The following FHIT variants were observed in gnomAD, a reference collection of about 807,000 sequenced individuals.
FHIT encodes the protein fragile histidine triad diadenosine triphosphatase.
Under a neutral mutation model 17.9 loss-of-function variants are expected in FHIT, and 19 were observed. The observed-to-expected ratio is 1.06, with a 90% CI of 0.74 to 1.56. The LOEUF is 1.56. FHIT is among the 40% of genes most tolerant of loss of function. The pLI is 0.00. For synonymous variants in FHIT, 81 were observed against 69.7 expected (o/e 1.16, Z -0.81); for missense variants, 248 against 189.2 (o/e 1.31, Z -1.82).
At chr3:60,873,247 C>T (rs1412825866) in intron 3 of FHIT, among the ~76,000 whole-genome samples, 2 of 152,134 alleles carry the variant, frequency 1.3e-5, no homozygotes, top group Non-Finnish European at 2.9e-5. Context: ...CAACTTTTCC[C>T]TCCAGATGAT....
In FHIT at chr3:59,749,332, A is replaced by G; in HGVS notation, c.*253T>C. 4.3e-6 allele frequency: 1 copy of G among 231,602 alleles called. No individual in the cohort carries two copies. Among genetic ancestry groups the G allele is most frequent in the East Asian group, 6.1e-5 (1 of 16,428 alleles). 14.3% of individuals were successfully genotyped at this position (231,602 alleles called of 1,614,324 possible). A position where few individuals can be genotyped will look rare whatever the true frequency, so the allele number is the denominator to read the frequency against. Reference sequence around the variant, plus strand: ...GGGTTGCAGCAGAGAAGGAAGTTTAATCATAAGGCTGCCGAATAAGGAGAC... The same window carrying G: ...GGGTTGCAGCAGAGAAGGAAGTTTAGTCATAAGGCTGCCGAATAAGGAGAC... On this transcript the variant is annotated 3_prime_UTR_variant, in exon 10 of 10. Transcript: ENST00000492590.
In FHIT at chr3:61,173,076, GA is replaced by G. The variant is rs533274797; in HGVS notation, c.-164+27540del. On this transcript the variant is annotated intron_variant, in intron 2 of 9. Transcript: ENST00000492590. ...TTGCCATGTCTTCCCAGGGATGTCA[GA>G]AGCTGCTAAATTTATTTTAAATACC... is the stretch of plus-strand genomic sequence containing the variant. Among the ~76,000 whole-genome samples, 368 of 152,244 alleles carry G rather than the reference GA, an allele frequency of 2.4e-3. 2 individuals are homozygous for G. Among genetic ancestry groups the G allele is most frequent in the African/African-American group, 8.5e-3 (353 of 41,538 alleles).
At chr3:61,191,323 C>G (rs1406487605) in intron 2 of FHIT, among the ~76,000 whole-genome samples, 1 of 152,132 alleles carries the variant, frequency 6.6e-6, no homozygotes, top group Non-Finnish European at 1.5e-5. Context: ...TTCTGCTTCA[C>G]TGTGTGAGCT....
At chr3:59,751,979 T>A (rs1010022493) in intron 9 of FHIT, 4 of 421,072 alleles carry the variant, frequency 9.5e-6, no homozygotes, top group African/African-American at 2.0e-5. Context: ...AGAAAGGTGG[T>A]GGTGGGCTGG....
At chr3:60,340,848 T>G (rs1286770750) in intron 5 of FHIT, among the ~76,000 whole-genome samples, 1 of 151,970 alleles carries the variant, frequency 6.6e-6, no homozygotes, top group East Asian at 1.9e-4. Context: ...TCTGGGACCA[T>G]GCCTGGCTAA....
At chr3:60,763,708 C>G (rs2108059198) in intron 4 of FHIT, among the ~76,000 whole-genome samples, 1 of 152,262 alleles carries the variant, frequency 6.6e-6, no homozygotes, top group Non-Finnish European at 1.5e-5. Context: ...ACCCTTACAT[C>G]AGGAAAAATG....
At chr3:61,147,853 T>C (rs2037271175) in intron 2 of FHIT, among the ~76,000 whole-genome samples, 1 of 151,858 alleles carries the variant, frequency 6.6e-6, no homozygotes, top group Admixed American at 6.6e-5. Context: ...ACAAACAAAT[T>C]CCAAGTTCTT....
intron 8 of FHIT, among the ~76,000 whole-genome samples, chr3:59,858,515 C>T (rs1433311269): frequency 6.6e-6 from 1 of 151,968 alleles, no homozygotes; most frequent in Non-Finnish European, 1.5e-5. Context: ...TGTGAGCCAT[C>T]GTGCCCAGCC....
chr3:60,446,105 G>C (rs1055386541), intron 5 of FHIT, among the ~76,000 whole-genome samples: 6 of 152,100 alleles, frequency 3.9e-5, no homozygotes, highest in African/African-American at 1.4e-4. Flanking sequence ...AAGCAAGGGA[G>C]GGTAGGAGGG....
intron 5 of FHIT, among the ~76,000 whole-genome samples, chr3:60,352,103 G>A (rs920811875): frequency 2.0e-5 from 3 of 152,100 alleles, no homozygotes; most frequent in Non-Finnish European, 4.4e-5. Context: ...TTCCAGCACT[G>A]AGGAGCATGC....
At chr3:60,192,237 C>G (rs1158794296) in intron 5 of FHIT, among the ~76,000 whole-genome samples, 1 of 107,348 alleles carries the variant, frequency 9.3e-6, no homozygotes, top group Non-Finnish European at 1.8e-5. Flanking sequence ...GGCAACAGAG[C>G]AACACTATGT....
intron 4 of FHIT, among the ~76,000 whole-genome samples, chr3:60,721,888 C>A (rs539010370): frequency 6.6e-6 from 1 of 152,160 alleles, no homozygotes; most frequent in Non-Finnish European, 1.5e-5. Flanking sequence ...AATAGTACAT[C>A]TGGAATCAGC....
chr3:60,728,052 T>C (rs1046830287), intron 4 of FHIT, among the ~76,000 whole-genome samples: 3 of 152,118 alleles, frequency 2.0e-5, no homozygotes, highest in African/African-American at 7.2e-5. Context: ...CATAACCAAA[T>C]AGGAAGGAAA....
At chr3:60,570,144 A>G (rs947663190) in intron 4 of FHIT, among the ~76,000 whole-genome samples, 4 of 152,086 alleles carry the variant, frequency 2.6e-5, no homozygotes, top group African/African-American at 4.8e-5. Context: ...CATTGCACAG[A>G]TATGTTTGGG....
At chr3:60,962,254 G>T (rs1427485651) in intron 3 of FHIT, among the ~76,000 whole-genome samples, 1 of 152,170 alleles carries the variant, frequency 6.6e-6, no homozygotes, top group Non-Finnish European at 1.5e-5. Context: ...GTATAAGAAT[G>T]CTTGTGATTT....
chr3:61,003,566 G>A lies in FHIT; in HGVS notation c.-111+38481C>T, dbSNP rs142139975. Among the ~76,000 whole-genome samples, 468 of 152,288 alleles carry A rather than the reference G, an allele frequency of 3.1e-3. 2 individuals carry two copies. Among genetic ancestry groups the A allele is most frequent in the African/African-American group, 0.01 (425 of 41,554 alleles). ...AAAAGCTGAAGCTATGACTGCTCTA[G>A]TACTGAGTTCTCCAGTGCTTATCAT... On this transcript the variant is annotated intron_variant, in intron 3 of 9. Coordinates refer to ENST00000492590, the MANE Select transcript of FHIT (RefSeq NM_002012.4).
chr3:60,137,862 T>G (rs1699879302), intron 5 of FHIT, among the ~76,000 whole-genome samples: 1 of 152,104 alleles, frequency 6.6e-6, no homozygotes, highest in Non-Finnish European at 1.5e-5. Context: ...CATCTACACA[T>G]AAGAGACCCT....
At chr3:60,030,326 C>G (rs1280897661) in intron 5 of FHIT, among the ~76,000 whole-genome samples, 3 of 152,160 alleles carry the variant, frequency 2.0e-5, no homozygotes, top group African/African-American at 7.2e-5. Context: ...GTATGTTTTC[C>G]TTCACAATGT....
At chr3:60,736,391 T>C (rs2042133535) in intron 4 of FHIT, among the ~76,000 whole-genome samples, 2 of 152,184 alleles carry the variant, frequency 1.3e-5, no homozygotes, top group Non-Finnish European at 2.9e-5. Flanking sequence ...AAAAAAACCT[T>C]AAATTTCCAT....
Sources: allele counts gnomAD v4.1 joint callset (sites outside exome capture counted in the v4.1 genomes callset), GRCh38; gene constraint gnomAD v4.1.1; transcripts MANE v1.5; gene names NCBI Gene and HGNC (gene_info 2026-07-23, HGNC 2026-07-21).